The following MAGED1 variants were observed in gnomAD, a reference collection of about 807,000 sequenced individuals.
The protein encoded by MAGED1 is melanoma-associated antigen D1.
A neutral mutation model predicts 54.1 loss-of-function variants in MAGED1; 3 were observed. That is an observed-to-expected ratio of 0.06 (90% CI 0.03 to 0.14). MAGED1 has a LOEUF of 0.14. Ranked by LOEUF, MAGED1 falls within the 10% of genes least tolerant of loss-of-function variation. The probability of loss-of-function intolerance (pLI) is 1.00; values close to 1 mark genes in which losing one functional copy is unlikely to be tolerated. For synonymous variants in MAGED1, 217 were observed against 227.3 expected, an observed-to-expected ratio of 0.95 and a Z score of 0.41; for missense variants, 485 against 623.4, an observed-to-expected ratio of 0.78 and a Z score of 2.36.
intron 1 of MAGED1, among the ~76,000 whole-genome samples, chrX:51,807,892 C>G (rs1557355257): frequency 1.8e-5 from 2 of 111,326 alleles, no homozygotes; most frequent in African/African-American, 6.5e-5. Context: ...TTGGTTATTC[C>G]TGGTCTTTTT....
intron 1 of MAGED1, among the ~76,000 whole-genome samples, chrX:51,814,309 T>TGCCACTGCCGCC (rs1557355853): frequency 2.7e-5 from 3 of 111,718 alleles, no homozygotes; most frequent in African/African-American, 9.8e-5. Context: ...CCGCTGCCGC[T>TGCCACTGCCGCC]GCCACTGCCG....
chrX:51,876,034 C>T (rs1927854486), intron 1 of MAGED1, among the ~76,000 whole-genome samples: 1 of 111,089 alleles, frequency 9.0e-6, no homozygotes, highest in African/African-American at 3.3e-5. Context: ...CCCACACCCA[C>T]ACCCATAGTG....
chrX:51,872,927 C>A (rs782641183), intron 1 of MAGED1, among the ~76,000 whole-genome samples: 5 of 111,257 alleles, frequency 4.5e-5, no homozygotes, highest in Non-Finnish European at 9.4e-5. Context: ...ATATAGGTAG[C>A]CAGCAATCCA....
intron 1 of MAGED1, among the ~76,000 whole-genome samples, chrX:51,837,710 A>G (rs1263670749): frequency 8.9e-6 from 1 of 112,256 alleles, no homozygotes; most frequent in Non-Finnish European, 1.9e-5. Flanking sequence ...AGAGGTAGGT[A>G]CTGTTATTAT....
At position 51,898,109 on chromosome X, in the gene MAGED1, C is replaced by T. The variant is rs781950551; in HGVS notation, c.1659-5C>T. ...TGAAAATATATTCTTTCTATATTCCCTTAGGACCAAAGACACACCCAAGCT... is the reference window on the plus strand; with the variant it reads ...TGAAAATATATTCTTTCTATATTCCTTTAGGACCAAAGACACACCCAAGCT... On this transcript the variant is annotated splice_polypyrimidine_tract_variant and splice_region_variant and intron_variant, in intron 7 of 12. Transcript: ENST00000326587. The T allele has an allele frequency of 8.3e-7, 1 of 1,204,501 alleles. No individual in the cohort carries two copies.
intron 1 of MAGED1, among the ~76,000 whole-genome samples, chrX:51,836,128 A>T (rs1926237230): frequency 9.0e-6 from 1 of 110,929 alleles, no homozygotes; most frequent in Non-Finnish European, 1.9e-5. Flanking sequence ...AGATTATGTC[A>T]TAACTTTTTA....
intron 1 of MAGED1, among the ~76,000 whole-genome samples, chrX:51,820,216 C>G (rs1035630911): frequency 9.0e-6 from 1 of 111,697 alleles, no homozygotes; most frequent in Non-Finnish European, 1.9e-5. Flanking sequence ...ATGACTCCTC[C>G]AACTTTGTTC....
chrX:51,864,478 T>G (rs1321760638), intron 1 of MAGED1, among the ~76,000 whole-genome samples: 1 of 111,836 alleles, frequency 8.9e-6, no homozygotes, highest in Non-Finnish European at 1.9e-5. Context: ...CTGACTTTGT[T>G]CTTCTTATTC....
intron 1 of MAGED1, among the ~76,000 whole-genome samples, chrX:51,877,480 A>G (rs1230714416): frequency 9.0e-6 from 1 of 111,286 alleles, no homozygotes; most frequent in Non-Finnish European, 1.9e-5. Context: ...ACGGCCTTAA[A>G]ATAGTTCATA....
intron 1 of MAGED1, among the ~76,000 whole-genome samples, chrX:51,886,293 A>G (rs1928232407): frequency 9.0e-6 from 1 of 111,153 alleles, no homozygotes; most frequent in Non-Finnish European, 1.9e-5. Flanking sequence ...AACGTTCCCA[A>G]TACAAAGAAA....
intron 1 of MAGED1, among the ~76,000 whole-genome samples, chrX:51,870,091 C>A (rs1315405354): frequency 4.5e-5 from 5 of 111,029 alleles, no homozygotes; most frequent in Non-Finnish European, 9.4e-5. Flanking sequence ...GGTTCTTGGA[C>A]AAGTGTGGGT....
intron 1 of MAGED1, among the ~76,000 whole-genome samples, chrX:51,885,736 C>A (rs1928212087): frequency 9.0e-6 from 1 of 110,573 alleles, no homozygotes; most frequent in African/African-American, 3.3e-5. Flanking sequence ...ATATTTAAGT[C>A]TTTAACCCAT....
chrX:51,898,502 C>T (rs1262038517), intron 9 of MAGED1, 79 bp from the exon 10 acceptor site: 1 of 1,001,115 alleles, frequency 1.0e-6, no homozygotes, highest in African/African-American at 1.9e-5. Context: ...CCTCTTTTCT[C>T]ATCTCTGACC....
chrX:51,809,683 T>A (rs551720946), intron 1 of MAGED1, among the ~76,000 whole-genome samples: 9 of 111,542 alleles, frequency 8.1e-5, no homozygotes, highest in Non-Finnish European at 1.1e-4. Flanking sequence ...ATCTTTTTTT[T>A]AATTGATGCT....
chrX:51,893,482 C>G, upstream of MAGED1: 1 of 113,742 alleles, frequency 8.8e-6, no homozygotes, highest in Admixed American at 9.2e-5. Context: ...CGCCTTCCAG[C>G]GCACATGCGC....
In MAGED1 at chrX:51,842,109, A is replaced by G. The variant is rs187456649; in HGVS notation, c.-37+38992A>G. Among the ~76,000 whole-genome samples, 453 of 112,217 alleles carry G rather than the reference A, an allele frequency of 4.0e-3. 4 individuals carry two copies. Among genetic ancestry groups the G allele is most frequent in the African/African-American group, 0.014 (424 of 30,931 alleles). Reference sequence around the variant, plus strand: ...AGTAATAATGTTGTAATGAACTTACATGTATTCTCAAACAGTGCAGATACT... The same window carrying G: ...AGTAATAATGTTGTAATGAACTTACGTGTATTCTCAAACAGTGCAGATACT... On this transcript the variant is annotated intron_variant, in intron 1 of 12. Transcript: ENST00000375772.
At chrX:51,803,627 C>CTTTTTT (rs1179676499) in intron 1 of MAGED1, among the ~76,000 whole-genome samples, 1 of 60,463 alleles carries the variant, frequency 1.7e-5, no homozygotes, top group African/African-American at 6.3e-5. Context: ...AAGGTCAAGG[C>CTTTTTT]TTTTTTTTTT....
chrX:51,849,435 G>T (rs1926806676), intron 1 of MAGED1, among the ~76,000 whole-genome samples: 1 of 111,706 alleles, frequency 9.0e-6, no homozygotes, highest in South Asian at 3.7e-4. Flanking sequence ...TTTGATTAGA[G>T]CTGCATTTTG....
rs374985036 is a variant in MAGED1 at position 51,896,548 on chromosome X, C to T, written c.893C>T (p.Thr298Met). ...GCACCCCCCAATGTGCTCTGGCAGA[C>T]GCCATTGGCTTGGCAGAACCCCTCA... ...PGAPPNVLWQTPLAWQNPSGW... is the reference protein window; with the variant it reads ...PGAPPNVLWQMPLAWQNPSGW... Residue 298 changes from threonine (T) to methionine (M), a missense_variant, in exon 4 of 13, where the codon ACG (threonine) becomes ATG (methionine). This residue lies in a region of MAGED1 where 299 missense variants were observed against 293.1 expected (regional missense o/e 1.02). Transcript: ENST00000326587. The T allele has an allele frequency of 9.1e-6, 11 of 1,210,238 alleles. No homozygotes were observed. The highest frequency in any genetic ancestry group is 3.5e-5 in the African/African-American group (2 of 57,229).
Sources: allele counts gnomAD v4.1 joint callset (sites outside exome capture counted in the v4.1 genomes callset), GRCh38; gene constraint gnomAD v4.1.1; regional missense constraint gnomAD v4.1.1; transcripts MANE v1.5; gene names NCBI Gene and HGNC (gene_info 2026-07-23, HGNC 2026-07-21).